Variants in CSMD1 observed in about 807,000 individuals in gnomAD.
CSMD1 encodes the protein CUB and Sushi multiple domains 1.
In CSMD1, 213 loss-of-function variants were observed where a neutral mutation model predicts 417.5. The ratio of observed to expected loss-of-function variants is 0.51; its 90% CI spans 0.46 to 0.57. The LOEUF (loss-of-function observed/expected upper bound fraction) is 0.57. Ranked by LOEUF, CSMD1 falls within the 20% of genes least tolerant of loss-of-function variation. CSMD1 has a pLI of 0.00. For synonymous variants in CSMD1, 2,862 were observed against 1,736.8 expected (o/e 1.65, Z -16.11); for missense variants, 6,923 against 4,529.7 (o/e 1.53, Z -15.17).
chr8:4,918,722 A>C (rs1415342743), intron 1 of CSMD1, among the ~76,000 whole-genome samples: 1 of 152,236 alleles, frequency 6.6e-6, no homozygotes, highest in Non-Finnish European at 1.5e-5. Flanking sequence ...AATTTCACCA[A>C]GAACTTTCCA....
intron 7 of CSMD1, among the ~76,000 whole-genome samples, chr8:3,638,898 G>C (rs1399040330): frequency 6.6e-6 from 1 of 152,200 alleles, no homozygotes; most frequent in East Asian, 1.9e-4. Context: ...GAAAAGTGAA[G>C]AAGGGACTCC....
intron 12 of CSMD1, among the ~76,000 whole-genome samples, chr8:3,427,023 C>T (rs979413915): frequency 4.6e-5 from 7 of 152,152 alleles, no homozygotes; most frequent in African/African-American, 1.4e-4. Flanking sequence ...TTACCAAACA[C>T]TTATAAAACC....
intron 3 of CSMD1, among the ~76,000 whole-genome samples, chr8:4,161,736 T>C (rs1024130437): frequency 8.5e-5 from 13 of 152,232 alleles, no homozygotes; most frequent in Non-Finnish European, 2.9e-5. Context: ...CCATCATTTT[T>C]TACTGATTCT....
At chr8:4,316,253 T>C (rs972209796) in intron 3 of CSMD1, among the ~76,000 whole-genome samples, 1 of 152,174 alleles carries the variant, frequency 6.6e-6, no homozygotes, top group Non-Finnish European at 1.5e-5. Flanking sequence ...TAGTGATTTT[T>C]CATCCTCGAA....
intron 3 of CSMD1, among the ~76,000 whole-genome samples, chr8:4,276,686 G>A (rs551584105): frequency 2.9e-4 from 44 of 152,280 alleles, no homozygotes; most frequent in African/African-American, 8.2e-4. Context: ...TTCAGGAAAC[G>A]AAGTCTTTAG....
chr8:4,034,699 G>A lies in CSMD1; in HGVS notation c.416-2600C>T, dbSNP rs552241877. ...GAGTGATTAAAAAAAGTAAACATGT[G>A]GACAAAAGCTTTTTGATGTTTTTCT... On this transcript the variant is annotated intron_variant, in intron 3 of 69. Coordinates refer to ENST00000635120, the MANE Select transcript of CSMD1 (RefSeq NM_033225.6). Among the ~76,000 whole-genome samples the A allele has an allele frequency of 1.1e-4, 17 of 152,098 alleles. No individual in the cohort carries two copies. In the South Asian group the frequency reaches 3.3e-3, roughly 30 times the overall value.
intron 49 of CSMD1, among the ~76,000 whole-genome samples, chr8:3,071,785 C>A (rs1813340854): frequency 6.6e-6 from 1 of 152,202 alleles, no homozygotes; most frequent in Admixed American, 6.5e-5. Flanking sequence ...AACTCTACTC[C>A]ATGGATTCAT....
chr8:4,328,143 A>G (rs1799661029), intron 3 of CSMD1, among the ~76,000 whole-genome samples: 1 of 152,194 alleles, frequency 6.6e-6, no homozygotes, highest in Non-Finnish European at 1.5e-5. Flanking sequence ...GAAATACTCA[A>G]AGATGTTAAA....
At chr8:3,255,112 C>G (rs1252342284) in intron 26 of CSMD1, among the ~76,000 whole-genome samples, 7 of 152,184 alleles carry the variant, frequency 4.6e-5, no homozygotes, top group South Asian at 2.1e-4. Flanking sequence ...AGCTGCCGGT[C>G]TCTTGGAGTT....
chr8:4,417,224 G>A (rs957162272), intron 3 of CSMD1, among the ~76,000 whole-genome samples: 3 of 152,134 alleles, frequency 2.0e-5, no homozygotes, highest in African/African-American at 7.2e-5. Context: ...TGGATTTCCA[G>A]AGTTAAATTC....
intron 5 of CSMD1, among the ~76,000 whole-genome samples, chr8:3,947,466 T>A (rs1048336203): frequency 1.3e-5 from 2 of 152,210 alleles, no homozygotes; most frequent in African/African-American, 2.4e-5. Context: ...TTTCGTTTCA[T>A]CCAGTTTAAT....
At chr8:3,504,246 C>A (rs1158911561) in intron 10 of CSMD1, among the ~76,000 whole-genome samples, 3 of 84,184 alleles carry the variant, frequency 3.6e-5, no homozygotes, top group African/African-American at 1.9e-4. Flanking sequence ...TTAACAATTT[C>A]TTTAAAAAAA....
At chr8:4,417,799 T>TAC (rs1387399419) in intron 3 of CSMD1, among the ~76,000 whole-genome samples, 5 of 152,172 alleles carry the variant, frequency 3.3e-5, no homozygotes, top group East Asian at 1.9e-4. Flanking sequence ...TACATATATA[T>TAC]ACATGTACAA....
rs538157892 is a variant in CSMD1 at position 4,098,154 on chromosome 8, T to C, written c.416-66055A>G. On this transcript the variant is annotated intron_variant, in intron 3 of 69. Coordinates refer to ENST00000635120, the MANE Select transcript of CSMD1 (RefSeq NM_033225.6). ...GATTTCATATAAAACCCTTGTAAAT[T>C]AGAATAACATGTTTTGCAGCTTTAG... Among the ~76,000 whole-genome samples, 23 of 152,286 alleles carry C rather than the reference T, an allele frequency of 1.5e-4. 2 individuals are homozygous for C. In the South Asian group the frequency reaches 4.6e-3, roughly 30 times the overall value.
rs115642598 is a variant in CSMD1, at chr8:3,587,085, C to A, written c.1098-825G>T. ...AAAATGCTAGGATTACAGGCGTGAGCCACTGCACCCACCTGTGTTTTAGAA... is the reference window on the plus strand; with the variant it reads ...AAAATGCTAGGATTACAGGCGTGAGACACTGCACCCACCTGTGTTTTAGAA... On this transcript the variant is annotated intron_variant, in intron 8 of 69. Coordinates refer to ENST00000635120, the MANE Select transcript of CSMD1 (RefSeq NM_033225.6). 7.3e-3 allele frequency among the ~76,000 whole-genome samples: 1,108 copies of A among 152,336 alleles called. 14 individuals are homozygous for A. The highest frequency in any genetic ancestry group is 0.024 in the African/African-American group (997 of 41,586).
intron 8 of CSMD1, among the ~76,000 whole-genome samples, chr8:3,608,771 A>C (rs1043824176): frequency 4.6e-5 from 7 of 151,542 alleles, no homozygotes; most frequent in Admixed American, 1.3e-4. Flanking sequence ...CTCAAAAAAA[A>C]AAAAAAATCA....
In CSMD1 at chr8:3,141,255, G is replaced by A. The variant is rs182812984; in HGVS notation, c.6241+1210C>T. Among the ~76,000 whole-genome samples, 5 of 152,250 alleles carry A rather than the reference G, an allele frequency of 3.3e-5. No individual in the cohort carries two copies. The East Asian group carries it at 5.8e-4, about 18-fold the overall frequency. ...TCATCCCCTGTGCGTCTGTGAAACC[G>A]CCTTTACAAAATTATACCTGAGGAA... On this transcript the variant is annotated intron_variant, in intron 41 of 69. Coordinates refer to ENST00000635120, the MANE Select transcript of CSMD1 (RefSeq NM_033225.6).
chr8:3,599,290 T>C (rs1801246423), intron 8 of CSMD1, among the ~76,000 whole-genome samples: 2 of 151,886 alleles, frequency 1.3e-5, no homozygotes, highest in South Asian at 4.1e-4. Flanking sequence ...GCTACGTGTG[T>C]ATGTGTGGGT....
At chr8:4,034,821 C>G (rs1462253028) in intron 3 of CSMD1, among the ~76,000 whole-genome samples, 1 of 152,232 alleles carries the variant, frequency 6.6e-6, no homozygotes, top group Non-Finnish European at 1.5e-5. Flanking sequence ...CACACATTTT[C>G]CAACAGAAGG....
Sources: allele counts gnomAD v4.1 joint callset (sites outside exome capture counted in the v4.1 genomes callset), GRCh38; gene constraint gnomAD v4.1.1; transcripts MANE v1.5; gene names NCBI Gene and HGNC (gene_info 2026-07-23, HGNC 2026-07-21).